Variants in RUNX2 observed in about 807,000 individuals in gnomAD.
RUNX2 encodes RUNX family transcription factor 2.
In RUNX2, 10 loss-of-function variants were observed where a neutral mutation model predicts 51.7. That is an observed-to-expected ratio of 0.19 (90% confidence interval 0.12 to 0.33). The LOEUF (loss-of-function observed/expected upper bound fraction) is 0.33, where lower values mean the gene tolerates loss of function less well. Ranked by LOEUF, RUNX2 falls within the 10% of genes least tolerant of loss-of-function variation. The probability of loss-of-function intolerance (pLI) is 1.00; values close to 1 mark genes in which losing one functional copy is unlikely to be tolerated. For synonymous variants in RUNX2, 276 were observed against 273.6 expected (o/e 1.01, Z -0.09); for missense variants, 562 against 691.3 (o/e 0.81, Z 2.10).
intron 2 of RUNX2, among the ~76,000 whole-genome samples, chr6:45,344,140 A>G (rs1014158735): frequency 1.3e-5 from 2 of 152,226 alleles, no homozygotes; most frequent in African/African-American, 4.8e-5. Context: ...TATGAAGTGG[A>G]TATGACAAAG....
intron 3 of RUNX2, among the ~76,000 whole-genome samples, chr6:45,430,043 G>A (rs935519029): frequency 3.3e-5 from 5 of 151,632 alleles, no homozygotes; most frequent in African/African-American, 7.3e-5. Flanking sequence ...GCAGTGAGCC[G>A]AGATCGTGCC....
chr6:45,489,106 A>G (rs1800376963), intron 5 of RUNX2, among the ~76,000 whole-genome samples: 1 of 152,208 alleles, frequency 6.6e-6, no homozygotes, highest in Non-Finnish European at 1.5e-5. Flanking sequence ...CATTATGAAG[A>G]GTGCATTTTG....
chr6:45,514,912 A>C (rs1801272070), intron 7 of RUNX2, among the ~76,000 whole-genome samples: 1 of 151,536 alleles, frequency 6.6e-6, no homozygotes, highest in Non-Finnish European at 1.5e-5. Context: ...TGTGAGACTT[A>C]AGCATGAGGG....
At chr6:45,388,967 T>C (rs1320272761) in intron 2 of RUNX2, among the ~76,000 whole-genome samples, 1 of 152,230 alleles carries the variant, frequency 6.6e-6, no homozygotes, top group Non-Finnish European at 1.5e-5. Flanking sequence ...TGGTATCATC[T>C]CATTCTAACC....
In RUNX2 at chr6:45,533,311, C is replaced by T. The variant is rs552195702; in HGVS notation, c.1022-11906C>T. ...AGGCTTTTGCCAAATGCTTAACAAT[C>T]TGTAGGGTTTGATTTCTTTCAGAAA... On this transcript the variant is annotated intron_variant, in intron 7 of 8. Transcript: ENST00000647337. 2.0e-5 allele frequency among the ~76,000 whole-genome samples: 3 copies of T among 152,300 alleles called. No individual in the cohort carries two copies. The South Asian group carries it at 6.2e-4, about 32-fold the overall frequency.
At position 45,512,479 on chromosome 6, in the gene RUNX2, T is replaced by C. The variant is rs574693411; in HGVS notation, c.1021+72T>C. 2.6e-6 allele frequency: 4 copies of C among 1,520,100 alleles called. No individual in the cohort carries two copies. In the South Asian group the frequency reaches 4.5e-5, roughly 17 times the overall value. 94.2% of individuals were successfully genotyped at this position (1,520,100 alleles called of 1,614,324 possible). On this transcript the variant is annotated intron_variant, in intron 7 of 8. Coordinates refer to ENST00000647337, the MANE Select transcript of RUNX2 (RefSeq NM_001024630.4). ...GGGGGAGTGGGATGGGCTGAGCCTG[T>C]CTCATCCATGCTCACAGTGACTCTC... is the stretch of plus-strand genomic sequence containing the variant.
intron 2 of RUNX2, among the ~76,000 whole-genome samples, chr6:45,417,555 A>G (rs750178584): frequency 2.4e-4 from 37 of 152,230 alleles, no homozygotes; most frequent in Non-Finnish European, 4.9e-4. Flanking sequence ...CCATTCCAGT[A>G]TCTTTATAAA....
intron 2 of RUNX2, among the ~76,000 whole-genome samples, chr6:45,390,713 C>T (rs1797451911): frequency 6.6e-6 from 1 of 151,666 alleles, no homozygotes; most frequent in Non-Finnish European, 1.5e-5. Flanking sequence ...GTCATTTTCC[C>T]CCATGAGAAA....
At chr6:45,372,018 G>A (rs1450872448) in intron 2 of RUNX2, 1 of 950,016 alleles carries the variant, frequency 1.1e-6, no homozygotes, top group Non-Finnish European at 1.3e-6. Flanking sequence ...ATACATCAAA[G>A]AATATACAAA....
rs942951437 is a variant in RUNX2, at chr6:45,443,251, A to G, written c.685+5200A>G. ...TTTTTTGTAGAGATGGGGTCTCACTATGTTTCCTAGGCTGGTCTTGAACTC... is the reference window on the plus strand; with the variant it reads ...TTTTTTGTAGAGATGGGGTCTCACTGTGTTTCCTAGGCTGGTCTTGAACTC... On this transcript the variant is annotated intron_variant, in intron 5 of 8. Transcript: ENST00000647337. Among the ~76,000 whole-genome samples, 6 of 151,796 alleles carry G rather than the reference A, an allele frequency of 4.0e-5. No individual in the cohort carries two copies. The East Asian group carries it at 1.2e-3, about 29-fold the overall frequency.
intron 2 of RUNX2, among the ~76,000 whole-genome samples, chr6:45,380,493 A>C (rs931591736): frequency 1.7e-4 from 26 of 152,258 alleles, no homozygotes; most frequent in African/African-American, 6.3e-4. Flanking sequence ...TAAAATGATT[A>C]GGTAGTAAGC....
chr6:45,485,312 C>T (rs1489557857), intron 5 of RUNX2, among the ~76,000 whole-genome samples: 2 of 151,780 alleles, frequency 1.3e-5, no homozygotes, highest in African/African-American at 4.8e-5. Flanking sequence ...AAGCGATTCT[C>T]CTGCCTCAGC....
intron 2 of RUNX2, among the ~76,000 whole-genome samples, chr6:45,369,596 C>T (rs1795705654): frequency 6.6e-6 from 1 of 152,040 alleles, no homozygotes; most frequent in African/African-American, 2.4e-5. Flanking sequence ...CGTATCCTCC[C>T]TTAATTCCCT....
intron 5 of RUNX2, among the ~76,000 whole-genome samples, chr6:45,449,436 T>C (rs546906823): frequency 2.7e-4 from 41 of 152,230 alleles, no homozygotes; most frequent in Non-Finnish European, 5.1e-4. Context: ...ATTTTACACA[T>C]AGGTAAACTG....
intron 5 of RUNX2, among the ~76,000 whole-genome samples, chr6:45,470,534 T>A (rs899348239): frequency 6.6e-6 from 1 of 152,148 alleles, no homozygotes; most frequent in African/African-American, 2.4e-5. Context: ...GTCACATGAG[T>A]GATACAGACA....
At chr6:45,470,126 A>G (rs565955737) in intron 5 of RUNX2, among the ~76,000 whole-genome samples, 1 of 152,350 alleles carries the variant, frequency 6.6e-6, no homozygotes, top group East Asian at 1.9e-4. Flanking sequence ...TTAAATAATT[A>G]GTCGAACCAT....
chr6:45,420,413 A>G (rs987872553), intron 2 of RUNX2, among the ~76,000 whole-genome samples: 1 of 152,140 alleles, frequency 6.6e-6, no homozygotes, highest in African/African-American at 2.4e-5. Context: ...GGTCGCTACG[A>G]GGGTGAGGGA....
intron 2 of RUNX2, among the ~76,000 whole-genome samples, chr6:45,420,335 C>T (rs1026171414): frequency 5.9e-5 from 9 of 152,194 alleles, no homozygotes; most frequent in Non-Finnish European, 8.8e-5. Flanking sequence ...CCTTCTAGGG[C>T]GCAGACCCGG....
intron 2 of RUNX2, among the ~76,000 whole-genome samples, chr6:45,373,897 T>C (rs1233966726): frequency 2.6e-5 from 4 of 152,222 alleles, no homozygotes; most frequent in Non-Finnish European, 5.9e-5. Context: ...TCTTCAGTAA[T>C]AGTGCCTATT....
Sources: gnomAD v4.1 joint callset for allele counts (sites outside exome capture counted in the v4.1 genomes callset) on GRCh38, gnomAD v4.1.1 for gene constraint, MANE v1.5 for transcripts, NCBI Gene and HGNC (gene_info 2026-07-23, HGNC 2026-07-21) for gene names.